The following FEZ2 variants were observed in gnomAD, a reference collection of about 807,000 sequenced individuals.
The protein encoded by FEZ2 is fasciculation and elongation protein zeta 2.
A neutral mutation model predicts 40.4 loss-of-function variants in FEZ2; 51 were observed. That is an observed-to-expected ratio of 1.26 (90% confidence interval 1.01 to 1.59). The LOEUF (loss-of-function observed/expected upper bound fraction) is 1.59. FEZ2 is among the 40% of genes most tolerant of loss of function. FEZ2 has a pLI of 0.00. For synonymous variants in FEZ2, 242 were observed against 172.0 expected, an observed-to-expected ratio of 1.41 and a Z score of -3.18; for missense variants, 640 against 438.3, an observed-to-expected ratio of 1.46 and a Z score of -4.11.
At position 36,598,048 on chromosome 2, in the gene FEZ2, G is replaced by A. The variant is rs1669294746; in HGVS notation, c.95C>T (p.Pro32Leu). The stretch of plus-strand genomic sequence containing the variant: ...CGCCTCGGCCCCCGCCTCCGCCCCA[G>A]GCTCGGGGCTCGCGTTACAGTTCTC... ...DQENCNASPE[P>L]GAEAGAEAGG... Residue 32 changes from proline to leucine, a missense_variant, in exon 1 of 8, where the codon CCT becomes CTT. Transcript: ENST00000405912. 3.0e-6 allele frequency: 4 copies of A among 1,333,624 alleles called. No homozygotes were observed. In the African/African-American group the frequency reaches 7.3e-5, roughly 24 times the overall value. The allele number at this position is 1,333,624 out of a possible 1,614,324, so 82.6% of individuals were successfully genotyped here.
At chr2:36,556,841 T>C (rs947842990) in intron 6 of FEZ2, 1 of 152,196 alleles carries the variant, frequency 6.6e-6, no homozygotes, top group Non-Finnish European at 1.5e-5. Flanking sequence ...AATCCCCTAA[T>C]AGCTTTTATC....
rs1481077795 is a variant in FEZ2 at position 36,558,448 on chromosome 2, T to C, written c.969A>G (p.Ile323Met). The C allele has an allele frequency of 4.6e-6, 7 of 1,523,562 alleles. No individual in the cohort carries two copies. In the East Asian group the frequency reaches 7.4e-5, roughly 16 times the overall value. The allele number at this position is 1,523,562 out of a possible 1,614,324, so 94.4% of individuals were successfully genotyped here. The part of the protein sequence containing the change: ...NGPPSVEDLQ[I>M]LTKILRAMKE... ...TTTGTCTTTGCTCACTTTTTGTTAA[T>C]ATTTGAAGATCTTCAACAGACGGTG... is the stretch of plus-strand genomic sequence containing the variant. The change falls in exon 6 of 8, where the codon ATA becomes ATG. Residue 323 changes from isoleucine (I) to methionine (M), a missense_variant. Ile to Met is a conservative substitution (Grantham distance 10, BLOSUM62 1). Transcript: ENST00000405912.
rs537387431 is a variant in FEZ2, at chr2:36,596,228, C to G, written c.266+1649G>C. 2.0e-5 allele frequency among the ~76,000 whole-genome samples: 3 copies of G among 152,342 alleles called. No homozygotes were observed. The South Asian group carries it at 6.2e-4, about 32-fold the overall frequency. On this transcript the variant is annotated intron_variant, in intron 1 of 7. Transcript: ENST00000405912. ...AATAAAAGGAGATGGTCTCCAAACA[C>G]AGGTGGGCCTGCACCACTGCTCAGC... is the stretch of plus-strand genomic sequence containing the variant.
intron 3 of FEZ2, among the ~76,000 whole-genome samples, chr2:36,582,778 CATTTT>C (rs1668790093): frequency 6.6e-6 from 1 of 152,164 alleles, no homozygotes; most frequent in Non-Finnish European, 1.5e-5. Context: ...AGCCATGGAA[CATTTT>C]ATTTCAGGAA....
intron 5 of FEZ2, among the ~76,000 whole-genome samples, chr2:36,566,895 A>C (rs1668256024): frequency 6.6e-6 from 1 of 152,194 alleles, no homozygotes; most frequent in Admixed American, 6.5e-5. Flanking sequence ...GGATTAATTC[A>C]ATCAAAAAGA....
rs1395892883 is a variant in FEZ2 at position 36,581,390 on chromosome 2, G to A, written c.534C>T (p.Asp178=). The part of the protein sequence containing the change: ...EIEEMMQESP[D]PEDDETPTQS... ...GTGTAGGGGTTTCATCATCTTCTGG[G>A]TCCGGTGATTCCTGCATCATTTCTT... Residue 178 remains aspartate, a synonymous_variant, in exon 4 of 8, where the codon GAC becomes GAT. Coordinates refer to ENST00000405912, the MANE Select transcript of FEZ2 (RefSeq NM_005102.3). 3 of 1,613,336 alleles carry A rather than the reference G, an allele frequency of 1.9e-6. No individual in the cohort carries two copies. Among genetic ancestry groups the A allele is most frequent in the Admixed American group, 1.7e-5 (1 of 60,012 alleles).
intron 2 of FEZ2, among the ~76,000 whole-genome samples, chr2:36,587,485 T>G (rs1417169146): frequency 6.6e-6 from 1 of 152,220 alleles, no homozygotes; most frequent in African/African-American, 2.4e-5. Flanking sequence ...GGAAAAAATG[T>G]GCCCACGTAA....
Position 36,598,113 on chromosome 2 carries a change from G to C in FEZ2, c.30C>G (p.Phe10Leu), listed in dbSNP as rs761979385. The change falls in exon 1 of 8, where the codon TTC (phenylalanine) becomes TTG (leucine). Residue 10 changes from phenylalanine to leucine, a missense_variant. Coordinates refer to ENST00000405912, the MANE Select transcript of FEZ2 (RefSeq NM_005102.3). ...TCCGGGCCGGCTCCTGGAACTCATAGAAATCCTGCCAGTCCCCGTCCGCCG... is the reference window on the plus strand; with the variant it reads ...TCCGGGCCGGCTCCTGGAACTCATACAAATCCTGCCAGTCCCCGTCCGCCG... MAADGDWQD[F>L]YEFQEPARSL... The C allele has an allele frequency of 2.0e-6, 3 of 1,487,998 alleles. No individual in the cohort carries two copies. The highest frequency in any genetic ancestry group is 2.9e-5 in the East Asian group (1 of 34,162). 92.2% of individuals were successfully genotyped at this position (1,487,998 alleles called of 1,614,324 possible).
intron 5 of FEZ2, chr2:36,560,871 G>C (rs1206441678): frequency 1.3e-5 from 20 of 1,595,726 alleles, no homozygotes; most frequent in Non-Finnish European, 1.6e-5. Flanking sequence ...AAGCGCTAAA[G>C]GCGGCAATAT....
intron 7 of FEZ2, 78 bp from the exon 8 acceptor site, chr2:36,553,257 A>C (rs897198452): frequency 9.3e-7 from 1 of 1,075,866 alleles, no homozygotes; most frequent in South Asian, 1.4e-5. Flanking sequence ...TTACATGTAC[A>C]TTTAAAAACC....
chr2:36,568,624 T>C (rs1375469153), intron 5 of FEZ2, among the ~76,000 whole-genome samples: 1 of 152,216 alleles, frequency 6.6e-6, no homozygotes. Flanking sequence ...CAGGATGGAA[T>C]TTTTGATAGG....
At chr2:36,578,993 C>T (rs139245385) in intron 4 of FEZ2, 128 bp from the exon 5 acceptor site, 3 of 741,428 alleles carry the variant, frequency 4.0e-6, no homozygotes, top group African/African-American at 3.5e-5. Flanking sequence ...AAATCATATT[C>T]CAAGCAATTA....
intron 1 of FEZ2, among the ~76,000 whole-genome samples, chr2:36,596,923 A>G (rs986792404): frequency 6.6e-6 from 1 of 152,110 alleles, no homozygotes; most frequent in South Asian, 2.1e-4. Context: ...CCAAATTATA[A>G]TTGCGGCTCA....
chr2:36,555,072 G>C (rs140101826), intron 7 of FEZ2, among the ~76,000 whole-genome samples: 1 of 151,814 alleles, frequency 6.6e-6, no homozygotes, highest in Non-Finnish European at 1.5e-5. Context: ...CTCTTTTCTC[G>C]GCAAAGCAAC....
chr2:36,579,697 A>G (rs531572438), intron 4 of FEZ2, among the ~76,000 whole-genome samples: 3 of 151,836 alleles, frequency 2.0e-5, no homozygotes, highest in Non-Finnish European at 4.4e-5. Context: ...AGCCAATTAA[A>G]CCTCTTTTCG....
intron 2 of FEZ2, among the ~76,000 whole-genome samples, chr2:36,586,571 G>C (rs949466364): frequency 6.6e-6 from 1 of 150,900 alleles, no homozygotes; most frequent in Non-Finnish European, 1.5e-5. Context: ...AGGTTGCAGT[G>C]AGCCAAGATG....
At chr2:36,553,381 C>T (rs1667871634) in intron 7 of FEZ2, among the ~76,000 whole-genome samples, 2 of 152,102 alleles carry the variant, frequency 1.3e-5, no homozygotes, top group Admixed American at 1.3e-4. Flanking sequence ...TAGAATTTCC[C>T]AGAAATGAGA....
intron 5 of FEZ2, among the ~76,000 whole-genome samples, chr2:36,565,901 GACA>G (rs982723111): frequency 4.6e-5 from 7 of 152,060 alleles, no homozygotes; most frequent in African/African-American, 1.4e-4. Context: ...GCCCAGTTGT[GACA>G]ACAACAAATG....
At chr2:36,570,758 G>GT (rs1668385323) in intron 5 of FEZ2, among the ~76,000 whole-genome samples, 1 of 152,156 alleles carries the variant, frequency 6.6e-6, no homozygotes, top group Non-Finnish European at 1.5e-5. Context: ...TAACACAATG[G>GT]TAAGTATTTG....
Sources: allele counts gnomAD v4.1 joint callset (sites outside exome capture counted in the v4.1 genomes callset), GRCh38; gene constraint gnomAD v4.1.1; transcripts MANE v1.5; gene names NCBI Gene and HGNC (gene_info 2026-07-23, HGNC 2026-07-21).